Variants in BIRC2 observed in about 807,000 individuals in gnomAD.
BIRC2 encodes baculoviral IAP repeat-containing protein 2.
A neutral mutation model predicts 60.9 loss-of-function variants in BIRC2; 18 were observed. The ratio of observed to expected loss-of-function variants is 0.30; its 90% CI spans 0.20 to 0.44. BIRC2 has a LOEUF of 0.44. Among genes scored for constraint, BIRC2 ranks in the 20% least tolerant of loss-of-function variants. The pLI is 1.00. For synonymous variants in BIRC2, 282 were observed against 247.7 expected (o/e 1.14, Z -1.30); for missense variants, 701 against 728.5 (o/e 0.96, Z 0.43).
At position 102,350,927 on chromosome 11, in the gene BIRC2, G is replaced by A. The variant is rs2135803405; in HGVS notation, c.979G>A (p.Ala327Thr). The A allele has an allele frequency of 6.2e-7, 1 of 1,613,708 alleles. No individual in the cohort carries two copies. The highest frequency in any genetic ancestry group is 8.5e-7 in the Non-Finnish European group (1 of 1,179,834). ...ESGDDPWVEH[A>T]KWFPRCEFLI... ...TGGAGATGATCCATGGGTAGAACAT[G>A]CCAAGTGGTTTCCAAGGTAATTGTT... Residue 327 changes from alanine to threonine, a missense_variant, in exon 3 of 9, where the codon GCC becomes ACC. Around this residue, in one of 4 missense-constraint regions of BIRC2, gnomAD observed 39 missense variants for 69.8 expected, o/e 0.56. Coordinates refer to ENST00000227758, the MANE Select transcript of BIRC2 (RefSeq NM_001166.5).
intron 3 of BIRC2, among the ~76,000 whole-genome samples, chr11:102,356,590 G>C (rs181259224): frequency 5.1e-4 from 78 of 151,972 alleles, no homozygotes; most frequent in African/African-American, 1.8e-3. Flanking sequence ...AGCTAAATTG[G>C]TGAGAATTTT....
In BIRC2 at chr11:102,349,803, G is replaced by A. The variant is rs1448066782; in HGVS notation, c.-52G>A. 1 of 1,506,178 alleles carries A rather than the reference G, an allele frequency of 6.6e-7. No individual in the cohort carries two copies. Among genetic ancestry groups the A allele is most frequent in the Non-Finnish European group, 8.9e-7 (1 of 1,123,360 alleles). The allele number at this position is 1,506,178 out of a possible 1,614,324, so 93.3% of individuals were successfully genotyped here. ...TTGTGGTAAAAATCTTAGTTCATGT[G>A]AAGAAATTTCATGTGAATGTTTTAG... On this transcript the variant is annotated 5_prime_UTR_variant, in exon 2 of 9. The change abolishes the stop of an existing upstream ORF in the 5' untranslated region. Coordinates refer to ENST00000227758, the MANE Select transcript of BIRC2 (RefSeq NM_001166.5).
chr11:102,373,069 G>A lies in BIRC2; in HGVS notation c.1367-4427G>A, dbSNP rs377679675. On this transcript the variant is annotated intron_variant, in intron 6 of 8. Transcript: ENST00000227758. Reference sequence around the variant, plus strand: ...TTTGAGCCTATGTGTGTCTCTGCACGTGAGATGGGTTTCCTGAATACAGCA... The same window carrying A: ...TTTGAGCCTATGTGTGTCTCTGCACATGAGATGGGTTTCCTGAATACAGCA... Among the ~76,000 whole-genome samples the A allele has an allele frequency of 7.7e-3, 1,146 of 149,746 alleles. 7 individuals carry two copies. Among genetic ancestry groups the A allele is most frequent in the Non-Finnish European group, 0.012 (787 of 67,348 alleles).
chr11:102,378,049 A>G lies in BIRC2; in HGVS notation c.1723A>G (p.Met575Val), dbSNP rs1009099315. The change falls in exon 9 of 9, where the codon ATG becomes GTG. Residue 575 changes from methionine (M) to valine (V), a missense_variant. Transcript: ENST00000227758. ...LQEERTCKVC[M>V]DKEVSVVFIP... ...AGAAGAACGAACTTGTAAAGTGTGT[A>G]TGGACAAAGAAGTTTCTGTTGTATT... The G allele has an allele frequency of 1.2e-6, 2 of 1,613,754 alleles. No homozygotes were observed. Among genetic ancestry groups the G allele is most frequent in the East Asian group, 2.2e-5 (1 of 44,858 alleles).
At chr11:102,374,660 G>A (rs531860244) in intron 6 of BIRC2, among the ~76,000 whole-genome samples, 1 of 152,102 alleles carries the variant, frequency 6.6e-6, no homozygotes, top group Admixed American at 6.5e-5. Flanking sequence ...AGCCTACAGA[G>A]GCAGGCAGGC....
chr11:102,377,773 T>G, intron 7 of BIRC2, 23 bp downstream of exon 7: 1 of 1,592,874 alleles, frequency 6.3e-7, no homozygotes, highest in South Asian at 1.2e-5. Flanking sequence ...GGAAAATTAT[T>G]TTAGAAATTC....
intron 3 of BIRC2, among the ~76,000 whole-genome samples, chr11:102,355,462 G>A (rs1951410220): frequency 6.6e-6 from 1 of 152,106 alleles, no homozygotes. Context: ...TGTTCTGTTG[G>A]TGTATGTCTT....
In BIRC2 at chr11:102,364,174, T is replaced by TATATACACACACACACACAC. The variant is rs1389968594; in HGVS notation, c.1123+459_1123+460insTATACACACACACACACACA. Among the ~76,000 whole-genome samples, 78 of 78,060 alleles carry TATATACACACACACACACAC rather than the reference T, an allele frequency of 1.0e-3. 1 individual carries two copies. Among genetic ancestry groups the TATATACACACACACACACAC allele is most frequent in the African/African-American group, 4.7e-3 (70 of 14,838 alleles). The allele number at this position is 78,060 out of a possible 152,430, so 51.2% of individuals were successfully genotyped here. The stretch of plus-strand genomic sequence containing the variant: ...ATATATATATATATATATATATATA[T>TATATACACACACACACACAC]ACACACACACACAGAGAGAGAGAGA... On this transcript the variant is annotated intron_variant, in intron 5 of 8. Coordinates refer to ENST00000227758, the MANE Select transcript of BIRC2 (RefSeq NM_001166.5).
intron 6 of BIRC2, among the ~76,000 whole-genome samples, chr11:102,376,845 C>T (rs371713961): frequency 1.4e-4 from 21 of 152,180 alleles, no homozygotes; most frequent in African/African-American, 5.1e-4. Context: ...GTATATTTTA[C>T]AGATGAGGAA....
At chr11:102,363,092 G>A (rs1009689399) in intron 4 of BIRC2, 118 bp downstream of exon 4, 1 of 695,452 alleles carries the variant, frequency 1.4e-6, no homozygotes, top group East Asian at 2.7e-5. Flanking sequence ...CCAAAACCGT[G>A]ATCACTTTTG....
chr11:102,375,056 G>A (rs897670763), intron 6 of BIRC2, among the ~76,000 whole-genome samples: 2 of 152,180 alleles, frequency 1.3e-5, no homozygotes, highest in Admixed American at 6.5e-5. Flanking sequence ...ACTGGCCTGC[G>A]CCCACTGTCT....
At chr11:102,367,083 A>G (rs943482906) in intron 5 of BIRC2, among the ~76,000 whole-genome samples, 4 of 152,220 alleles carry the variant, frequency 2.6e-5, no homozygotes, top group Non-Finnish European at 4.4e-5. Flanking sequence ...AGATGTATAC[A>G]TTCTTCATAA....
At chr11:102,360,682 GTTTC>G (rs1356456366) in intron 3 of BIRC2, among the ~76,000 whole-genome samples, 77 of 141,290 alleles carry the variant, frequency 5.4e-4, no homozygotes, top group African/African-American at 1.7e-3. Context: ...CTAATGTCAC[GTTTC>G]TTTTTTTTTT....
chr11:102,351,566 G>A (rs1951359755), intron 3 of BIRC2, among the ~76,000 whole-genome samples: 1 of 121,488 alleles, frequency 8.2e-6, no homozygotes, highest in African/African-American at 3.1e-5. Flanking sequence ...AGTGAGCCAG[G>A]ATTGTGCCAC....
At chr11:102,357,713 A>G (rs1297163534) in intron 3 of BIRC2, among the ~76,000 whole-genome samples, 1 of 152,014 alleles carries the variant, frequency 6.6e-6, no homozygotes, top group Admixed American at 6.6e-5. Context: ...GATTTTACTT[A>G]TCTTTTCAAA....
In BIRC2 at chr11:102,350,399, G is replaced by A. The variant is rs777091998; in HGVS notation, c.545G>A (p.Ser182Asn). ...ACTAACCCCTACAGTTATGCAATGA[G>A]TACTGAAGAAGCCAGATTTCTTACC... ...SRTNPYSYAM[S>N]TEEARFLTYH... Residue 182 changes from serine (S) to asparagine (N), a missense_variant, in exon 2 of 9, where the codon AGT (serine) becomes AAT (asparagine). Around this residue, in one of 4 missense-constraint regions of BIRC2, gnomAD observed 375 missense variants for 365.9 expected, o/e 1.02. Transcript: ENST00000227758. 3 of 1,614,038 alleles carry A rather than the reference G, an allele frequency of 1.9e-6. No homozygotes were observed. In the African/African-American group the frequency reaches 4.0e-5, roughly 22 times the overall value.
At chr11:102,369,772 G>T (rs908460655) in intron 6 of BIRC2, among the ~76,000 whole-genome samples, 28 of 148,046 alleles carry the variant, frequency 1.9e-4, no homozygotes, top group South Asian at 4.3e-4. Context: ...CTAGTTTACA[G>T]TCCCACCAAC....
At position 102,355,126 on chromosome 11, in the gene BIRC2, A is replaced by G. The variant is rs191951072; in HGVS notation, c.995+4183A>G. 2.0e-5 allele frequency among the ~76,000 whole-genome samples: 3 copies of G among 151,882 alleles called. No individual in the cohort carries two copies. In the East Asian group the frequency reaches 5.8e-4, roughly 29 times the overall value. On this transcript the variant is annotated intron_variant, in intron 3 of 8. Transcript: ENST00000227758. ...TTTTAGCTTGTTGTAGTCGCAGTTT[A>G]TTTTTGTTTTGGTTGCCTGTGCTTT...
At chr11:102,361,920 CTGTT>C (rs775403848) in intron 3 of BIRC2, among the ~76,000 whole-genome samples, 2 of 144,972 alleles carry the variant, frequency 1.4e-5, no homozygotes, top group Non-Finnish European at 3.0e-5. Flanking sequence ...GTATAGCTGT[CTGTT>C]TGTTGTTTTT....
Sources: allele counts gnomAD v4.1 joint callset (sites outside exome capture counted in the v4.1 genomes callset), GRCh38; gene constraint gnomAD v4.1.1; regional missense constraint gnomAD v4.1.1; transcripts MANE v1.5; gene names NCBI Gene and HGNC (gene_info 2026-07-23, HGNC 2026-07-21).